AKAP13: variants seen among roughly 807,000 people sequenced by gnomAD.
AKAP13 encodes A-kinase anchoring protein 13, also known as A-kinase anchor protein 13.
Under a neutral mutation model 264.5 loss-of-function variants are expected in AKAP13, and 80 were observed. That is an observed-to-expected ratio of 0.30 (90% CI 0.25 to 0.36). The LOEUF (loss-of-function observed/expected upper bound fraction) is 0.36, where lower values mean the gene tolerates loss of function less well. Ranked by LOEUF, AKAP13 falls within the 10% of genes least tolerant of loss-of-function variation. The pLI is 1.00. For synonymous variants in AKAP13, 1,380 were observed against 1,250.2 expected (o/e 1.10, Z -2.19); for missense variants, 3,712 against 3,435.2 (o/e 1.08, Z -2.01).
chr15:85,546,245 A>G (rs1596487209), intron 5 of AKAP13, among the ~76,000 whole-genome samples: 1 of 151,922 alleles, frequency 6.6e-6, no homozygotes, highest in Admixed American at 6.6e-5. Flanking sequence ...GGTTGATTTT[A>G]TCTTTCTATG....
chr15:85,730,598 C>T lies in AKAP13; in HGVS notation c.7173C>T (p.Thr2391=), dbSNP rs561102099. 79 of 1,614,046 alleles carry T rather than the reference C, an allele frequency of 4.9e-5. No homozygotes were observed. The East Asian group carries it at 7.1e-4, about 15-fold the overall frequency. ...TCCGGGACATGGCTGAGTGCAGCAC[C>T]CCTCTCCCAGAGGATTGCTCCCCAA... ...MIFRDMAECS[T]PLPEDCSPTH... is the part of the protein sequence containing the mutation. Residue 2391 remains threonine (T), a synonymous_variant, in exon 30 of 37, where the codon ACC becomes ACT. Transcript: ENST00000394518.
intron 5 of AKAP13, among the ~76,000 whole-genome samples, chr15:85,545,979 A>G (rs1409882178): frequency 6.6e-6 from 1 of 152,126 alleles, no homozygotes; most frequent in African/African-American, 2.4e-5. Context: ...ACCCAAACTG[A>G]ACTTCCTTTT....
chr15:85,579,056 C>T lies in AKAP13; in HGVS notation c.988C>T (p.Leu330Phe), dbSNP rs776103441. 1.9e-6 allele frequency: 3 copies of T among 1,614,174 alleles called. No individual in the cohort carries two copies. Among genetic ancestry groups the T allele is most frequent in the Admixed American group, 3.3e-5 (2 of 60,014 alleles). ...ACCGGAGCCCACGGACCCTCAGCGACTTTCTTCTTCTGAAGAGACTGAGAG... is the reference window on the plus strand; with the variant it reads ...ACCGGAGCCCACGGACCCTCAGCGATTTTCTTCTTCTGAAGAGACTGAGAG... Reference protein sequence around the residue: ...CAPEPTDPQRLSSSEETESTQ... With the variant: ...CAPEPTDPQRFSSSEETESTQ... Residue 330 changes from leucine to phenylalanine, a missense_variant, in exon 7 of 37, where the codon CTT (leucine) becomes TTT (phenylalanine). Leu to Phe is a conservative substitution (Grantham distance 22). This residue lies in a region of AKAP13 where 2,759 missense variants were observed against 2,411.7 expected (regional missense o/e 1.14). Transcript: ENST00000394518.
In AKAP13 at chr15:85,743,985, C is replaced by T. The variant is rs569393387; in HGVS notation, c.8392+160C>T. On this transcript the variant is annotated intron_variant, in intron 36 of 36. Coordinates refer to ENST00000394518, the MANE Select transcript of AKAP13 (RefSeq NM_007200.5). ...ACCAGCTCCGCTTGCTAAGAGCACT[C>T]ATGCAGCGAACATTAAGAACCCACT... The T allele has an allele frequency of 7.1e-4, 582 of 814,940 alleles. 9 individuals are homozygous for T. In the South Asian group the frequency reaches 9.9e-3, roughly 14 times the overall value. 50.5% of individuals were successfully genotyped at this position (814,940 alleles called of 1,614,324 possible).
chr15:85,422,711 G>T (rs2072578767), intron 1 of AKAP13, among the ~76,000 whole-genome samples: 1 of 152,212 alleles, frequency 6.6e-6, no homozygotes, highest in Admixed American at 6.5e-5. Context: ...AGGAGTTGCT[G>T]TTAGTGTACA....
chr15:85,542,601 G>A (rs908564784), intron 4 of AKAP13, among the ~76,000 whole-genome samples: 5 of 152,226 alleles, frequency 3.3e-5, no homozygotes, highest in African/African-American at 1.2e-4. Flanking sequence ...TAGCTAAGCT[G>A]AGGCAGGCAC....
rs1875098427 is a variant in AKAP13 at position 85,581,667 on chromosome 15, A to G, written c.3599A>G (p.Glu1200Gly). The change falls in exon 7 of 37, where the codon GAG (glutamate) becomes GGG (glycine). Residue 1200 changes from glutamate (E) to glycine (G), a missense_variant. Transcript: ENST00000394518. ...GCCAAGGAGCTCCCCACAGACATGG[A>G]GCTCTCAGCCCATGATGATGGGGCC... ...PVAKELPTDM[E>G]LSAHDDGAPA... The G allele has an allele frequency of 1.2e-6, 2 of 1,614,006 alleles. No homozygotes were observed. Among genetic ancestry groups the G allele is most frequent in the Non-Finnish European group, 1.7e-6 (2 of 1,180,038 alleles).
chr15:85,655,886 A>G (rs1052179669), intron 11 of AKAP13, 99 bp downstream of exon 11: 5 of 1,479,848 alleles, frequency 3.4e-6, no homozygotes, highest in African/African-American at 2.8e-5. Context: ...AGGAGACCCC[A>G]TAGTATAGAA....
At chr15:85,540,902 A>G (rs1039451912) in intron 4 of AKAP13, among the ~76,000 whole-genome samples, 2 of 152,274 alleles carry the variant, frequency 1.3e-5, no homozygotes, top group Non-Finnish European at 2.9e-5. Flanking sequence ...ATGTAGATGA[A>G]TCTCAAACAT....
At chr15:85,729,075 C>A (rs536332778) in intron 29 of AKAP13, among the ~76,000 whole-genome samples, 11 of 151,688 alleles carry the variant, frequency 7.3e-5, no homozygotes, top group Non-Finnish European at 1.3e-4. Context: ...CCACGGCGGG[C>A]GGATCACAAG....
At chr15:85,465,432 T>A (rs1473234988) in intron 1 of AKAP13, among the ~76,000 whole-genome samples, 1 of 150,758 alleles carries the variant, frequency 6.6e-6, no homozygotes, top group Non-Finnish European at 1.5e-5. Context: ...ACATGTGCCA[T>A]GCTGGTGTGC....
chr15:85,391,737 G>A (rs1464466010), intron 1 of AKAP13, among the ~76,000 whole-genome samples: 2 of 151,108 alleles, frequency 1.3e-5, no homozygotes, highest in African/African-American at 4.9e-5. Flanking sequence ...CACCCACCTT[G>A]GCCTCCCAAA....
intron 1 of AKAP13, among the ~76,000 whole-genome samples, chr15:85,450,354 T>G (rs980030959): frequency 6.6e-6 from 1 of 151,942 alleles, no homozygotes; most frequent in East Asian, 1.9e-4. Flanking sequence ...TTTTCATGTC[T>G]TGATTTCCTT....
intron 17 of AKAP13, among the ~76,000 whole-genome samples, chr15:85,703,919 T>C (rs1348386995): frequency 6.6e-6 from 1 of 151,030 alleles, no homozygotes; most frequent in Non-Finnish European, 1.5e-5. Flanking sequence ...AGGGTCTCTG[T>C]TAAAGATTTT....
intron 2 of AKAP13, among the ~76,000 whole-genome samples, chr15:85,510,396 T>C (rs1261522953): frequency 6.6e-6 from 1 of 152,202 alleles, no homozygotes; most frequent in East Asian, 1.9e-4. Context: ...ATATTACTAA[T>C]AAATGTATAA....
chr15:85,493,583 A>G (rs952295770), intron 2 of AKAP13, among the ~76,000 whole-genome samples: 2 of 152,222 alleles, frequency 1.3e-5, no homozygotes, highest in African/African-American at 4.8e-5. Flanking sequence ...GTGAGATAAT[A>G]TCTTACCTAG....
chr15:85,470,995 G>C (rs1477955240), intron 1 of AKAP13, among the ~76,000 whole-genome samples: 1 of 152,106 alleles, frequency 6.6e-6, no homozygotes, highest in Non-Finnish European at 1.5e-5. Flanking sequence ...TAGTTACCTA[G>C]TTTTATGTAC....
chr15:85,392,241 G>A (rs1023012032), intron 1 of AKAP13, among the ~76,000 whole-genome samples: 1 of 147,798 alleles, frequency 6.8e-6, no homozygotes, highest in Non-Finnish European at 1.5e-5. Context: ...AAAAATGTGA[G>A]CCCTTAATAA....
intron 8 of AKAP13, among the ~76,000 whole-genome samples, chr15:85,630,165 A>G (rs2081643270): frequency 1.2e-5 from 1 of 83,218 alleles, no homozygotes; most frequent in Non-Finnish European, 2.4e-5. Flanking sequence ...TTTTTAACAC[A>G]TACACACACA....
Sources: gnomAD v4.1 joint callset for allele counts (sites outside exome capture counted in the v4.1 genomes callset) on GRCh38, gnomAD v4.1.1 for gene constraint, gnomAD v4.1.1 regional missense constraint, MANE v1.5 for transcripts, NCBI Gene and HGNC (gene_info 2026-07-23, HGNC 2026-07-21) for gene names.